TUBB8: variants seen among roughly 807,000 people sequenced by gnomAD.
TUBB8 encodes tubulin beta 8 class VIII.
In TUBB8, 25 loss-of-function variants were observed where a neutral mutation model predicts 33.7. The ratio of observed to expected loss-of-function variants is 0.74; its 90% CI spans 0.54 to 1.04. The LOEUF is 1.04. TUBB8 is among the 50% of genes least tolerant of loss of function. The pLI is 0.00. For synonymous variants in TUBB8, 245 were observed against 240.1 expected, an observed-to-expected ratio of 1.02 and a Z score of -0.19; for missense variants, 279 against 608.0, an observed-to-expected ratio of 0.46 and a Z score of 5.69.
Position 47,466 on chromosome 10 carries a change from C to T in TUBB8, c.926G>A (p.Arg309His). 2.5e-6 allele frequency: 4 copies of T among 1,612,270 alleles called. No individual in the cohort carries two copies. The highest frequency in any genetic ancestry group is 1.1e-5 in the South Asian group (1 of 90,990). Residue 309 changes from arginine (R) to histidine (H), a missense_variant, in exon 4 of 4, where the codon CGC (arginine) becomes CAC (histidine). Arg to His is a conservative substitution (Grantham distance 29). Around this residue, in one of 4 missense-constraint regions of TUBB8, gnomAD observed 123 missense variants for 228.9 expected, o/e 0.54. Transcript: ENST00000568584. ...GAAAATGGCAGCCGCCGTTAGGTAGCGGCCGTGACGGGGGTCACAGGCAGC... is the reference window on the plus strand; with the variant it reads ...GAAAATGGCAGCCGCCGTTAGGTAGTGGCCGTGACGGGGGTCACAGGCAGC... ...MMAACDPRHG[R>H]YLTAAAIFRG...
chr10:75,024 G>A (rs1197086049), upstream of TUBB8, among the ~76,000 whole-genome samples: 22 of 151,748 alleles, frequency 1.4e-4, no homozygotes, highest in Middle Eastern at 3.4e-3. Context: ...ACAGGTGCGC[G>A]CCACCATGCA....
rs4029642 is a variant in TUBB8 at position 47,375 on chromosome 10, A to C, written c.1017T>G (p.Ser339Arg). 2 of 1,598,448 alleles carry C rather than the reference A, an allele frequency of 1.3e-6. No homozygotes were observed. The highest frequency in any genetic ancestry group is 1.7e-6 in the Non-Finnish European group (2 of 1,176,374). The part of the protein sequence containing the change: ...QMFNIQDKNS[S>R]YFADWLPNNV... ...TGTTGGGGAGCCAGTCAGCAAAGTA[A>C]CTGCTGTTCTTATCTTGAATGTTGA... The change falls in exon 4 of 4, where the codon AGT becomes AGG. Residue 339 changes from serine to arginine, a missense_variant. This residue lies in a region of TUBB8 where 123 missense variants were observed against 228.9 expected (regional missense o/e 0.54). Coordinates refer to ENST00000568584, the MANE Select transcript of TUBB8 (RefSeq NM_177987.3).
At chr10:66,086 T>G (rs547445240) in intron 1 of TUBB8, among the ~76,000 whole-genome samples, 57 of 152,352 alleles carry the variant, frequency 3.7e-4, no homozygotes, top group Middle Eastern at 3.4e-3. Context: ...AAGGCACCAA[T>G]GCTCATTTTC....
At chr10:69,170 A>G (rs1362571184) in intron 1 of TUBB8, among the ~76,000 whole-genome samples, 1 of 152,252 alleles carries the variant, frequency 6.6e-6, no homozygotes. Context: ...CACTGGCCTT[A>G]GAACAAGGAC....
At chr10:55,765 T>G (rs1834522957) in intron 1 of TUBB8, among the ~76,000 whole-genome samples, 1 of 152,266 alleles carries the variant, frequency 6.6e-6, no homozygotes, top group African/African-American at 2.4e-5. Flanking sequence ...TGTTGTATGT[T>G]ATCAACACTT....
chr10:52,503 G>C (rs1424482937), upstream of TUBB8, among the ~76,000 whole-genome samples: 2 of 152,364 alleles, frequency 1.3e-5, no homozygotes, highest in African/African-American at 4.8e-5. Context: ...CAGAAAACAA[G>C]AGCAGGAATG....
chr10:47,051 A>G lies in TUBB8; in HGVS notation c.*6T>C, dbSNP rs782121591. On this transcript the variant is annotated 3_prime_UTR_variant, in exon 4 of 4. Transcript: ENST00000568584. ...GCTTCCCCCCTTTACCTAGAAAAGG[A>G]GAGTTCTAGGCCACCTCCTCCTCGG... 21 of 919,964 alleles carry G rather than the reference A, an allele frequency of 2.3e-5. No homozygotes were observed. The highest frequency in any genetic ancestry group is 3.4e-4 in the Middle Eastern group (1 of 2,984). 57.0% of individuals were successfully genotyped at this position (919,964 alleles called of 1,614,324 possible).
chr10:54,637 T>C (rs1212187202), intron 1 of TUBB8, among the ~76,000 whole-genome samples: 2 of 152,266 alleles, frequency 1.3e-5, no homozygotes, highest in Non-Finnish European at 2.9e-5. Context: ...TTTTCATAAA[T>C]GTCCAATTAA....
intron 1 of TUBB8, among the ~76,000 whole-genome samples, chr10:64,292 CCT>C (rs1834640010): frequency 5.2e-5 from 7 of 134,478 alleles, no homozygotes; most frequent in Non-Finnish European, 1.0e-4. Flanking sequence ...TAGCCCTAAC[CCT>C]AACCCTAACC....
chr10:51,297 C>T (rs1183422689), upstream of TUBB8, among the ~76,000 whole-genome samples: 8 of 152,142 alleles, frequency 5.3e-5, no homozygotes, highest in African/African-American at 1.7e-4. Flanking sequence ...TTAGTATAGA[C>T]GAGGTTTCAC....
intron 1 of TUBB8, among the ~76,000 whole-genome samples, chr10:69,294 C>T (rs1554742018): frequency 6.6e-6 from 1 of 152,196 alleles, no homozygotes; most frequent in Non-Finnish European, 1.5e-5. Flanking sequence ...TACAGGGACA[C>T]AGCAGCCTCC....
intron 1 of TUBB8, among the ~76,000 whole-genome samples, chr10:71,719 G>A (rs1238891129): frequency 4.6e-5 from 7 of 151,890 alleles, no homozygotes; most frequent in Non-Finnish European, 2.9e-5. Context: ...TTGAGCCCAG[G>A]AGTTAAAGAC....
downstream of TUBB8, chr10:46,748 C>T (rs1834332632): frequency 5.1e-6 from 2 of 392,796 alleles, no homozygotes; most frequent in Non-Finnish European, 9.4e-6. Flanking sequence ...GTCCACAGCC[C>T]ATACCGACCC....
chr10:46,928 T>C lies in TUBB8; in HGVS notation c.*129A>G. On this transcript the variant is annotated 3_prime_UTR_variant, in exon 4 of 4. Coordinates refer to ENST00000568584, the MANE Select transcript of TUBB8 (RefSeq NM_177987.3). ...TACTTTATTAGTCAAAACCGCATAC[T>C]ATAAAAATGCTTTAAAACGCAGCAG... 3.4e-6 allele frequency: 2 copies of C among 586,672 alleles called. No homozygotes were observed. Among genetic ancestry groups the C allele is most frequent in the Non-Finnish European group, 6.0e-6 (2 of 333,532 alleles). 36.3% of individuals were successfully genotyped at this position (586,672 alleles called of 1,614,324 possible). A position where few individuals can be genotyped will look rare whatever the true frequency, so the allele number is the denominator to read the frequency against.
intron 1 of TUBB8, among the ~76,000 whole-genome samples, chr10:61,415 T>G (rs1337581073): frequency 6.6e-6 from 1 of 152,228 alleles, no homozygotes; most frequent in Non-Finnish European, 1.5e-5. Context: ...TTGTATAGTT[T>G]CTGAAATTCA....
At chr10:55,667 G>A (rs1456643457) in intron 1 of TUBB8, among the ~76,000 whole-genome samples, 1 of 152,210 alleles carries the variant, frequency 6.6e-6, no homozygotes, top group Non-Finnish European at 1.5e-5. Context: ...TTTTGTATGT[G>A]GCAAGAAATA....
chr10:60,426 A>C (rs1554740701), intron 1 of TUBB8, among the ~76,000 whole-genome samples: 1 of 152,234 alleles, frequency 6.6e-6, no homozygotes, highest in African/African-American at 2.4e-5. Flanking sequence ...GGACATGAAC[A>C]GACACTTCTC....
chr10:56,121 G>C (rs1245151063), intron 1 of TUBB8, among the ~76,000 whole-genome samples: 4 of 152,204 alleles, frequency 2.6e-5, no homozygotes, highest in Non-Finnish European at 5.9e-5. Flanking sequence ...TGTGAACATA[G>C]ATATAACTTT....
At chr10:68,385 A>G (rs1834698435) in intron 1 of TUBB8, among the ~76,000 whole-genome samples, 1 of 152,152 alleles carries the variant, frequency 6.6e-6, no homozygotes, top group Non-Finnish European at 1.5e-5. Context: ...TGAAATACTG[A>G]TATGACGCCC....
Sources: allele counts gnomAD v4.1 joint callset (sites outside exome capture counted in the v4.1 genomes callset), GRCh38; gene constraint gnomAD v4.1.1; regional missense constraint gnomAD v4.1.1; transcripts MANE v1.5; gene names NCBI Gene and HGNC (gene_info 2026-07-23, HGNC 2026-07-21).